The following KCNV2 variants were observed in gnomAD, a reference collection of about 807,000 sequenced individuals.
KCNV2 encodes potassium voltage-gated channel subfamily V member 2.
In KCNV2, 65 loss-of-function variants were observed where a neutral mutation model predicts 37.0. The observed-to-expected ratio is 1.76, with a 90% CI of 1.44 to 2.16. The LOEUF is 2.16. KCNV2 is among the 30% of genes most tolerant of loss of function. KCNV2 has a pLI of 0.00. For missense variants in KCNV2, 1,232 were observed against 766.7 expected (o/e 1.61, Z -7.17); for synonymous variants, 518 against 328.6 (o/e 1.58, Z -6.23).
Position 2,718,156 on chromosome 9 carries a change from C to A in KCNV2, c.417C>A (p.Cys139Ter), listed in dbSNP as rs748280472. The A allele has an allele frequency of 6.8e-6, 11 of 1,611,562 alleles. No individual in the cohort carries two copies. Among genetic ancestry groups the A allele is most frequent in the Non-Finnish European group, 8.5e-6 (10 of 1,178,990 alleles). ...STSRSRQLSLCDDYEEQTDEY... is the reference protein window; with the variant it reads ...STSRSRQLSL ...GCCGCAGCCGCCAGCTAAGCCTGTG[C>A]GACGACTACGAGGAGCAGACAGACG... is the stretch of plus-strand genomic sequence containing the variant. Residue 139 changes from cysteine to a stop codon, truncating the protein, a stop_gained, in exon 1 of 2, where the codon TGC (cysteine) becomes TGA (stop). Coordinates refer to ENST00000382082, the MANE Select transcript of KCNV2 (RefSeq NM_133497.4). LOFTEE classifies it high-confidence loss of function.
intron 1 of KCNV2, among the ~76,000 whole-genome samples, chr9:2,719,904 G>C (rs1314328616): frequency 6.6e-6 from 1 of 152,102 alleles, no homozygotes; most frequent in African/African-American, 2.4e-5. Context: ...TGTTTTCTTT[G>C]GCCTTTGCCT....
At chr9:2,724,166 C>A (rs1375248576) in intron 1 of KCNV2, among the ~76,000 whole-genome samples, 1 of 151,958 alleles carries the variant, frequency 6.6e-6, no homozygotes, top group African/African-American at 2.4e-5. Context: ...TGAACTCACT[C>A]CTTCAAAAAC....
intron 1 of KCNV2, 105 bp from the exon 2 acceptor site, chr9:2,729,341 C>A: frequency 7.8e-7 from 1 of 1,279,364 alleles, no homozygotes; most frequent in Non-Finnish European, 1.1e-6. Context: ...ATTACACTTC[C>A]CATGTGTACC....
intron 1 of KCNV2, among the ~76,000 whole-genome samples, chr9:2,723,354 A>G (rs1462141314): frequency 6.6e-6 from 1 of 152,152 alleles, no homozygotes; most frequent in South Asian, 2.1e-4. Context: ...TGCTTTTAAT[A>G]ATCTTTCTTC....
intron 1 of KCNV2, among the ~76,000 whole-genome samples, chr9:2,719,687 C>G (rs2130862518): frequency 6.6e-6 from 1 of 152,278 alleles, no homozygotes; most frequent in Middle Eastern, 3.4e-3. Flanking sequence ...GTATTATTGC[C>G]CCATTTTACA....
chr9:2,721,788 G>C (rs770682685), intron 1 of KCNV2, among the ~76,000 whole-genome samples: 56 of 152,222 alleles, frequency 3.7e-4, no homozygotes, highest in Non-Finnish European at 4.4e-4. Flanking sequence ...TCAGGCAGTA[G>C]AGTCTGTCTT....
At chr9:2,727,609 A>G (rs1355066127) in intron 1 of KCNV2, among the ~76,000 whole-genome samples, 1 of 152,150 alleles carries the variant, frequency 6.6e-6, no homozygotes, top group Non-Finnish European at 1.5e-5. Context: ...TGATAAGCAT[A>G]ACGTATATAG....
In KCNV2 at chr9:2,719,048, C is replaced by A; in HGVS notation, c.1309C>A (p.Pro437Thr). 3 of 1,612,508 alleles carry A rather than the reference C, an allele frequency of 1.9e-6. No homozygotes were observed. The highest frequency in any genetic ancestry group is 2.5e-6 in the Non-Finnish European group (3 of 1,180,010). The change falls in exon 1 of 2, where the codon CCC (proline) becomes ACC (threonine). Residue 437 changes from proline to threonine, a missense_variant. Physicochemically the swap from Pro to Thr is conservative, Grantham distance 38. Coordinates refer to ENST00000382082, the MANE Select transcript of KCNV2 (RefSeq NM_133497.4). ...AAVYSVEHDV[P>T]STNFTTIPHS... ...TGTCTACTCTGTGGAGCACGATGTG[C>A]CCAGCACCAACTTCACTACCATCCC...
In KCNV2 at chr9:2,718,574, C is replaced by T. The variant is rs1193815401; in HGVS notation, c.835C>T (p.Leu279Phe). 6.2e-7 allele frequency: 1 copy of T among 1,612,716 alleles called. No homozygotes were observed. The highest frequency in any genetic ancestry group is 8.5e-7 in the Non-Finnish European group (1 of 1,179,758). The change falls in exon 1 of 2, where the codon CTC (leucine) becomes TTC (phenylalanine). Residue 279 changes from leucine to phenylalanine, a missense_variant. Coordinates refer to ENST00000382082, the MANE Select transcript of KCNV2 (RefSeq NM_133497.4). ...FVLVSVVALA[L>F]NTVEEMQQHS... ...GCTCGTCTCCGTGGTGGCGCTGGCG[C>T]TCAACACCGTGGAGGAGATGCAGCA... is the stretch of plus-strand genomic sequence containing the variant.
At chr9:2,722,784 C>T (rs139768480) in intron 1 of KCNV2, among the ~76,000 whole-genome samples, 1 of 152,228 alleles carries the variant, frequency 6.6e-6, no homozygotes, top group East Asian at 1.9e-4. Flanking sequence ...TTTCATGAGG[C>T]TCTTGTTACT....
intron 1 of KCNV2, among the ~76,000 whole-genome samples, chr9:2,728,871 C>T (rs1369555797): frequency 6.8e-6 from 1 of 147,726 alleles, no homozygotes; most frequent in Non-Finnish European, 1.5e-5. Context: ...TGGTTTTCTC[C>T]TGTTTTAAAT....
chr9:2,718,472 C>G lies in KCNV2; in HGVS notation c.733C>G (p.Arg245Gly). Residue 245 changes from arginine (R) to glycine (G), a missense_variant, in exon 1 of 2, where the codon CGC becomes GGC. Coordinates refer to ENST00000382082, the MANE Select transcript of KCNV2 (RefSeq NM_133497.4). ...DMRFYGPQRR[R>G]LWNLMEKPFS... ...GCGCTTCTACGGCCCGCAGCGGCGC[C>G]GCCTCTGGAACCTCATGGAGAAGCC... 2 of 1,609,706 alleles carry G rather than the reference C, an allele frequency of 1.2e-6. No individual in the cohort carries two copies. The highest frequency in any genetic ancestry group is 8.5e-7 in the Non-Finnish European group (1 of 1,178,706).
chr9:2,727,632 A>T (rs2130867986), intron 1 of KCNV2, among the ~76,000 whole-genome samples: 1 of 152,260 alleles, frequency 6.6e-6, no homozygotes, highest in East Asian at 1.9e-4. Flanking sequence ...TTGCTGGTGT[A>T]GAATGCACTC....
In KCNV2 at chr9:2,718,168, G is replaced by T; in HGVS notation, c.429G>T (p.Glu143Asp). The change falls in exon 1 of 2, where the codon GAG (glutamate) becomes GAT (aspartate). Residue 143 changes from glutamate (E) to aspartate (D), a missense_variant. By Grantham distance (45) the Glu-to-Asp change is conservative. Transcript: ENST00000382082. ...SRQLSLCDDY[E>D]EQTDEYFFDR... ...AGCTAAGCCTGTGCGACGACTACGA[G>T]GAGCAGACAGACGAATACTTCTTCG... 1 of 1,613,140 alleles carries T rather than the reference G, an allele frequency of 6.2e-7. No individual in the cohort carries two copies. The highest frequency in any genetic ancestry group is 8.5e-7 in the Non-Finnish European group (1 of 1,179,718).
At chr9:2,722,136 T>C (rs1301408415) in intron 1 of KCNV2, among the ~76,000 whole-genome samples, 2 of 139,870 alleles carry the variant, frequency 1.4e-5, no homozygotes, top group African/African-American at 2.8e-5. Flanking sequence ...AAGTTATTTA[T>C]AAATAAATTA....
intron 1 of KCNV2, 26 bp from the exon 2 acceptor site, chr9:2,729,420 T>C: frequency 6.2e-7 from 1 of 1,612,358 alleles, no homozygotes; most frequent in Non-Finnish European, 8.5e-7. Context: ...TGCTAACAAT[T>C]CCATCCTGCT....
chr9:2,718,782 T>G lies in KCNV2; in HGVS notation c.1043T>G (p.Leu348Arg), dbSNP rs201425989. The change falls in exon 1 of 2, where the codon CTT becomes CGT. Residue 348 changes from leucine (L) to arginine (R), a missense_variant. Transcript: ENST00000382082. ...VDLVAILPLY[L>R]QLLLECFTGE... is the part of the protein sequence containing the mutation. Reference sequence around the variant, plus strand: ...CTGGTGGCCATCCTGCCGCTCTACCTTCAGCTGCTGCTCGAGTGCTTCACG... The same window carrying G: ...CTGGTGGCCATCCTGCCGCTCTACCGTCAGCTGCTGCTCGAGTGCTTCACG... 1 of 1,611,100 alleles carries G rather than the reference T, an allele frequency of 6.2e-7. No individual in the cohort carries two copies. Among genetic ancestry groups the G allele is most frequent in the South Asian group, 1.1e-5 (1 of 91,080 alleles).
rs148953795 is a variant in KCNV2, at chr9:2,717,749, C to G, written c.10C>G (p.Gln4Glu). Residue 4 changes from glutamine to glutamate, a missense_variant, in exon 1 of 2, where the codon CAG (glutamine) becomes GAG (glutamate). Transcript: ENST00000382082. ...TCCACTTTCCGCAGCCATGCTCAAA[C>G]AGAGTGAGAGGAGACGGTCCTGGAG... is the stretch of plus-strand genomic sequence containing the variant. MLKQSERRRSWSYR... is the reference protein window; with the variant it reads MLKESERRRSWSYR... 5.6e-6 allele frequency: 9 copies of G among 1,614,204 alleles called. No homozygotes were observed. The African/African-American group carries it at 8.0e-5, about 14-fold the overall frequency.
Position 2,718,844 on chromosome 9 carries a change from G to C in KCNV2, c.1105G>C (p.Val369Leu). The change falls in exon 1 of 2, where the codon GTG (valine) becomes CTG (leucine). Residue 369 changes from valine (V) to leucine (L), a missense_variant. Coordinates refer to ENST00000382082, the MANE Select transcript of KCNV2 (RefSeq NM_133497.4). ...GHQRGQTVGS[V>L]GKVGQVLRVM... The stretch of plus-strand genomic sequence containing the variant: ...CCAACGCGGCCAGACGGTGGGCAGC[G>C]TGGGTAAGGTGGGTCAGGTGTTGCG... 6.2e-7 allele frequency: 1 copy of C among 1,609,240 alleles called. No homozygotes were observed. Among genetic ancestry groups the C allele is most frequent in the Non-Finnish European group, 8.5e-7 (1 of 1,179,920 alleles).
Sources: gnomAD v4.1 joint callset for allele counts (sites outside exome capture counted in the v4.1 genomes callset) on GRCh38, gnomAD v4.1.1 for gene constraint, MANE v1.5 for transcripts, NCBI Gene and HGNC (gene_info 2026-07-23, HGNC 2026-07-21) for gene names.